The following TMEM108 variants were observed in gnomAD, a reference collection of about 807,000 sequenced individuals.
TMEM108 encodes cancer/testis antigen 124.
A neutral mutation model predicts 35.1 loss-of-function variants in TMEM108; 12 were observed. The ratio of observed to expected loss-of-function variants is 0.34; its 90% CI spans 0.22 to 0.55. The LOEUF is 0.55. Among genes scored for constraint, TMEM108 ranks in the 20% least tolerant of loss-of-function variants. TMEM108 has a pLI of 0.89. For missense variants in TMEM108, 680 were observed against 753.3 expected (o/e 0.90, Z 1.14); for synonymous variants, 287 against 308.6 (o/e 0.93, Z 0.73).
chr3:133,380,834 A>T lies in TMEM108; in HGVS notation c.1123A>T (p.Ile375Phe). The change falls in exon 4 of 6, where the codon ATT becomes TTT. Residue 375 changes from isoleucine (I) to phenylalanine (F), a missense_variant. By Grantham distance (21) the Ile-to-Phe change is conservative. Coordinates refer to ENST00000321871, the MANE Select transcript of TMEM108 (RefSeq NM_023943.4). The surrounding 1 kb of genome is among the most constrained non-coding windows in gnomAD (Gnocchi z 5.3). ...CAGTGTCTCAGCCCCTTCCCAGGGG[A>T]TTCCTCAGGGAGCATCCACAACCCC... ...DTSVSAPSQGIPQGASTTPQA... is the reference protein window; with the variant it reads ...DTSVSAPSQGFPQGASTTPQA... The T allele has an allele frequency of 6.2e-7, 1 of 1,614,052 alleles. No individual in the cohort carries two copies.
At chr3:133,094,494 G>C (rs1943988560) in intron 2 of TMEM108, among the ~76,000 whole-genome samples, 1 of 152,078 alleles carries the variant, frequency 6.6e-6, no homozygotes, top group Non-Finnish European at 1.5e-5. Context: ...ATACATGCCT[G>C]GCCCCAGGCA....
At chr3:133,362,880 T>C (rs1036785897) in intron 3 of TMEM108, among the ~76,000 whole-genome samples, 3 of 152,180 alleles carry the variant, frequency 2.0e-5, no homozygotes, top group African/African-American at 7.2e-5. Flanking sequence ...TGCAAATTAT[T>C]TTCATTGAGG....
intron 3 of TMEM108, among the ~76,000 whole-genome samples, chr3:133,259,625 G>A (rs1413850263): frequency 6.6e-6 from 1 of 152,180 alleles, no homozygotes; most frequent in Non-Finnish European, 1.5e-5. Flanking sequence ...TCAGCTATTT[G>A]ATATTGGCAG....
intron 2 of TMEM108, among the ~76,000 whole-genome samples, chr3:133,079,564 A>T (rs1391968553): frequency 2.0e-5 from 3 of 152,158 alleles, no homozygotes; most frequent in Non-Finnish European, 4.4e-5. Flanking sequence ...TCCTCTCTGG[A>T]GTCCCTCTTA....
rs575808959 is a variant in TMEM108, at chr3:133,129,137, G to A, written c.-47+83117G>A. Among the ~76,000 whole-genome samples, 8 of 152,234 alleles carry A rather than the reference G, an allele frequency of 5.3e-5. No individual in the cohort carries two copies. The South Asian group carries it at 1.5e-3, about 28-fold the overall frequency. ...AGATGGGTGGGTCACTTGAGGCCAG[G>A]AGTTCAAGAACAGCCTGGCCAACAT... On this transcript the variant is annotated intron_variant, in intron 2 of 5. Transcript: ENST00000321871.
intron 1 of TMEM108, chr3:133,041,872 A>G (rs1262486261): frequency 2.0e-5 from 3 of 152,234 alleles, no homozygotes; most frequent in Non-Finnish European, 2.9e-5. Context: ...ACATGCTCTG[A>G]AGACAGCAGT....
At chr3:133,105,491 C>G (rs1944138544) in intron 2 of TMEM108, among the ~76,000 whole-genome samples, 1 of 152,142 alleles carries the variant, frequency 6.6e-6, no homozygotes, top group African/African-American at 2.4e-5. Flanking sequence ...TTACATTAGG[C>G]CTACCCTCAT....
chr3:133,073,878 G>A (rs554051784), intron 2 of TMEM108, among the ~76,000 whole-genome samples: 3 of 151,814 alleles, frequency 2.0e-5, no homozygotes, highest in Middle Eastern at 3.4e-3. Flanking sequence ...TCTCATTGTG[G>A]TTTTGATCTG....
chr3:133,279,907 G>T (rs900122926), intron 3 of TMEM108, among the ~76,000 whole-genome samples: 2 of 152,220 alleles, frequency 1.3e-5, no homozygotes, highest in African/African-American at 4.8e-5. Context: ...ATACTAAAAT[G>T]TGTAATTAGC....
chr3:133,250,016 G>A (rs762280801), intron 3 of TMEM108, among the ~76,000 whole-genome samples: 7 of 152,122 alleles, frequency 4.6e-5, no homozygotes, highest in Non-Finnish European at 7.4e-5. Flanking sequence ...GGCTCAAGCA[G>A]TCCTCACAAC....
At chr3:133,046,374 A>G (rs973304506) in intron 2 of TMEM108, among the ~76,000 whole-genome samples, 2 of 152,210 alleles carry the variant, frequency 1.3e-5, no homozygotes, top group African/African-American at 4.8e-5. Flanking sequence ...GTCATATGTT[A>G]GCTCTGGTAG....
intron 3 of TMEM108, among the ~76,000 whole-genome samples, chr3:133,361,761 T>C (rs1418931219): frequency 1.3e-5 from 2 of 152,178 alleles, no homozygotes; most frequent in East Asian, 1.9e-4. Flanking sequence ...AAGTTATCTT[T>C]CATGACCTGG....
chr3:133,140,942 G>A (rs913083371), intron 2 of TMEM108, among the ~76,000 whole-genome samples: 5 of 152,034 alleles, frequency 3.3e-5, no homozygotes, highest in African/African-American at 1.2e-4. Flanking sequence ...CCAAGCATGG[G>A]CTCCATTTTG....
intron 2 of TMEM108, among the ~76,000 whole-genome samples, chr3:133,158,052 T>C (rs967967524): frequency 6.6e-6 from 1 of 152,138 alleles, no homozygotes; most frequent in Non-Finnish European, 1.5e-5. Context: ...TTTAAGCCTC[T>C]TAACAATCCT....
At chr3:133,154,715 G>T (rs1034402466) in intron 2 of TMEM108, among the ~76,000 whole-genome samples, 1 of 151,938 alleles carries the variant, frequency 6.6e-6, no homozygotes, top group Non-Finnish European at 1.5e-5. Flanking sequence ...CTGTTGTGGG[G>T]TGGGGGGACG....
chr3:133,301,155 T>C (rs1189609336), intron 3 of TMEM108, among the ~76,000 whole-genome samples: 4 of 152,284 alleles, frequency 2.6e-5, no homozygotes, highest in Middle Eastern at 3.4e-3. Flanking sequence ...GTCCCTTTGA[T>C]GCCAAGTACA....
intron 2 of TMEM108, among the ~76,000 whole-genome samples, chr3:133,165,658 A>G (rs1360207302): frequency 6.6e-6 from 1 of 152,182 alleles, no homozygotes; most frequent in African/African-American, 2.4e-5. Context: ...TATAGCTTGC[A>G]AGATGACCAT....
chr3:133,133,967 G>T (rs1944528781), intron 2 of TMEM108, among the ~76,000 whole-genome samples: 1 of 151,866 alleles, frequency 6.6e-6, no homozygotes, highest in African/African-American at 2.4e-5. Flanking sequence ...GTTTCACCTT[G>T]TTAGCCAGGT....
At chr3:133,244,778 A>T (rs1435818853) in intron 3 of TMEM108, among the ~76,000 whole-genome samples, 1 of 152,252 alleles carries the variant, frequency 6.6e-6, no homozygotes, top group Non-Finnish European at 1.5e-5. Flanking sequence ...ATTGACTTTC[A>T]TAGGAATTGT....
Sources: gnomAD v4.1 joint callset for allele counts (sites outside exome capture counted in the v4.1 genomes callset) on GRCh38, gnomAD v4.1.1 for gene constraint, Gnocchi (gnomAD v3.1) non-coding constraint, MANE v1.5 for transcripts, NCBI Gene and HGNC (gene_info 2026-07-23, HGNC 2026-07-21) for gene names.